Variants in PLEC observed in about 807,000 individuals in gnomAD.
PLEC encodes plectin, also known as hemidesmosomal protein 1.
A neutral mutation model predicts 392.8 loss-of-function variants in PLEC; 216 were observed. That is an observed-to-expected ratio of 0.55 (90% CI 0.49 to 0.62). The LOEUF is 0.62. Among genes scored for constraint, PLEC ranks in the 20% least tolerant of loss-of-function variants. PLEC has a pLI of 0.00. For synonymous variants in PLEC, 3,621 were observed against 2,980.6 expected, an observed-to-expected ratio of 1.21 and a Z score of -7.00; for missense variants, 6,863 against 6,563.4, an observed-to-expected ratio of 1.05 and a Z score of -1.58.
chr8:143,971,244 G>T (rs1833413988), intron 1 of PLEC, among the ~76,000 whole-genome samples: 3 of 152,182 alleles, frequency 2.0e-5, no homozygotes, highest in African/African-American at 7.2e-5. Context: ...CCACAGAGGG[G>T]AGGAGGCCAG....
intron 1 of PLEC, among the ~76,000 whole-genome samples, chr8:143,968,994 T>C (rs1157707596): frequency 1.3e-5 from 2 of 152,126 alleles, no homozygotes; most frequent in Non-Finnish European, 2.9e-5. Flanking sequence ...AGCTGAGCAA[T>C]TCCACTCCTA....
Position 143,924,393 on chromosome 8 carries a change from T to C in PLEC, c.5536A>G (p.Thr1846Ala). Residue 1846 changes from threonine to alanine, a missense_variant, in exon 31 of 32, where the codon ACG becomes GCG. Physicochemically the swap from Thr to Ala is moderately conservative, Grantham distance 58. Transcript: ENST00000345136. ...ATCTCCGCCTCCGTCTTGAGCCGCGTGGCCTCGCCGATGGCGGCCAGCTTC... is the reference window on the plus strand; with the variant it reads ...ATCTCCGCCTCCGTCTTGAGCCGCGCGGCCTCGCCGATGGCGGCCAGCTTC... Reference protein sequence around the residue: ...AEKLAAIGEATRLKTEAEIAL... With the variant: ...AEKLAAIGEAARLKTEAEIAL... 1.3e-6 allele frequency: 2 copies of C among 1,595,006 alleles called. No individual in the cohort carries two copies. Among genetic ancestry groups the C allele is most frequent in the Non-Finnish European group, 1.7e-6 (2 of 1,177,886 alleles).
At chr8:143,956,254 A>AT (rs1233899262), upstream of PLEC, among the ~76,000 whole-genome samples, 4 of 152,038 alleles carry the variant, frequency 2.6e-5, no homozygotes, top group Non-Finnish European at 5.9e-5. Context: ...GGCCAGGGAG[A>AT]TTTTTTTAAA....
rs1823027357 is a variant in PLEC at position 143,922,179 on chromosome 8, G to C, written c.7642C>G (p.Leu2548Val). 2 of 1,544,154 alleles carry C rather than the reference G, an allele frequency of 1.3e-6. No individual in the cohort carries two copies. Among genetic ancestry groups the C allele is most frequent in the Non-Finnish European group, 8.7e-7 (1 of 1,149,516 alleles). Residue 2548 changes from leucine (L) to valine (V), a missense_variant, in exon 32 of 32, where the codon CTG (leucine) becomes GTG (valine). By Grantham distance (32) the Leu-to-Val change is conservative (BLOSUM62 1). Transcript: ENST00000345136. ...CGCGCCTCCTCCATGCTGGCCACCA[G>C]CCGCTGCCGTTCCTGCTCCATCTGC... The part of the protein sequence containing the change: ...QQQMEQERQR[L>V]VASMEEARRR...
In PLEC at chr8:143,928,766, C is replaced by A. The variant is rs143907034; in HGVS notation, c.3260+337G>T. ...AAGTCCAGGCCAGGAACAGGACAGACGAGAGGCAGGGTGCAGGATTCCTTA... is the reference window on the plus strand; with the variant it reads ...AAGTCCAGGCCAGGAACAGGACAGAAGAGAGGCAGGGTGCAGGATTCCTTA... On this transcript the variant is annotated intron_variant, in intron 25 of 31. Transcript: ENST00000345136. Among the ~76,000 whole-genome samples, 3 of 152,302 alleles carry A rather than the reference C, an allele frequency of 2.0e-5. No homozygotes were observed. The East Asian group carries it at 5.8e-4, about 29-fold the overall frequency.
chr8:143,921,861 A>C lies in PLEC; in HGVS notation c.7960T>G (p.Ser2654Ala). 1 of 1,602,584 alleles carries C rather than the reference A, an allele frequency of 6.2e-7. No individual in the cohort carries two copies. Among genetic ancestry groups the C allele is most frequent in the Middle Eastern group, 1.7e-4 (1 of 6,026 alleles). ...CCGGCCTCCTGCAGCCTCTGAGCTG[A>C]CACCTTCCGCCGCAGGCCATCGAAG... ...HSFDGLRRKV[S>A]AQRLQEAGIL... is the part of the protein sequence containing the mutation. Residue 2654 changes from serine (S) to alanine (A), a missense_variant, in exon 32 of 32, where the codon TCA becomes GCA. Transcript: ENST00000345136.
Position 143,924,510 on chromosome 8 carries a change from G to A in PLEC, c.5419C>T (p.Arg1807Cys), listed in dbSNP as rs781812050. ...CGCTTGGCCTCTTCCGCCAGGGCACGCAGGCGGGCGGCCTCCTCGGCCAGC... is the reference window on the plus strand; with the variant it reads ...CGCTTGGCCTCTTCCGCCAGGGCACACAGGCGGGCGGCCTCCTCGGCCAGC... Reference protein sequence around the residue: ...RELAEEAARLRALAEEAKRQR... With the variant: ...RELAEEAARLCALAEEAKRQR... Residue 1807 changes from arginine to cysteine, a missense_variant, in exon 31 of 32, where the codon CGT becomes TGT. Transcript: ENST00000345136. 103 of 1,537,590 alleles carry A rather than the reference G, an allele frequency of 6.7e-5. No individual in the cohort carries two copies. Among genetic ancestry groups the A allele is most frequent in the Middle Eastern group, 1.8e-4 (1 of 5,534 alleles).
Position 143,924,534 on chromosome 8 carries a change from G to A in PLEC, c.5395C>T (p.Leu1799=). ...LEAEAGRFRE[L]AEEAARLRAL... Reference sequence around the variant, plus strand: ...CGCAGGCGGGCGGCCTCCTCGGCCAGCTCGCGGAACCGGCCGGCCTCGGCC... The same window carrying A: ...CGCAGGCGGGCGGCCTCCTCGGCCAACTCGCGGAACCGGCCGGCCTCGGCC... The change falls in exon 31 of 32, where the codon CTG becomes TTG. Residue 1799 remains leucine (L), a synonymous_variant. Coordinates refer to ENST00000345136, the MANE Select transcript of PLEC (RefSeq NM_201384.3). The A allele has an allele frequency of 6.5e-7, 1 of 1,539,316 alleles. No individual in the cohort carries two copies. The highest frequency in any genetic ancestry group is 8.7e-7 in the Non-Finnish European group (1 of 1,149,436).
In PLEC at chr8:143,924,455, G is replaced by T; in HGVS notation, c.5474C>A (p.Ala1825Glu). The change falls in exon 31 of 32, where the codon GCG becomes GAG. Residue 1825 changes from alanine to glutamate, a missense_variant. Ala to Glu is a moderately radical substitution (Grantham distance 107). Transcript: ENST00000345136. ...CCGCTCCGCCTCGGCCCGCTGCCGCGCCGCGTCTTCCTCGGCCAGCTGCCG... is the reference window on the plus strand; with the variant it reads ...CCGCTCCGCCTCGGCCCGCTGCCGCTCCGCGTCTTCCTCGGCCAGCTGCCG... ...RQRQLAEEDA[A>E]RQRAEAERVL... is the part of the protein sequence containing the mutation. 1 of 1,551,262 alleles carries T rather than the reference G, an allele frequency of 6.4e-7. No individual in the cohort carries two copies. Among genetic ancestry groups the T allele is most frequent in the South Asian group, 1.2e-5 (1 of 85,568 alleles).
At position 143,922,048 on chromosome 8, in the gene PLEC, G is replaced by C. The variant is rs949718803; in HGVS notation, c.7773C>G (p.Asn2591Lys). The C allele has an allele frequency of 5.0e-6, 8 of 1,593,930 alleles. No individual in the cohort carries two copies. The change falls in exon 32 of 32, where the codon AAC becomes AAG. Residue 2591 changes from asparagine (N) to lysine (K), a missense_variant. Physicochemically the swap from Asn to Lys is moderately conservative, Grantham distance 94. Transcript: ENST00000345136. ...RQQEELLAEE[N>K]QRLREQLQLL... Reference sequence around the variant, plus strand: ...GCTGCAGCTGCTCACGCAGCCTCTGGTTCTCCTCAGCCAGCAGCTCCTCCT... The same window carrying C: ...GCTGCAGCTGCTCACGCAGCCTCTGCTTCTCCTCAGCCAGCAGCTCCTCCT...
At chr8:143,967,392 AACAG>A (rs1289815490) in intron 1 of PLEC, among the ~76,000 whole-genome samples, 9 of 150,926 alleles carry the variant, frequency 6.0e-5, no homozygotes, top group African/African-American at 9.7e-5. Context: ...AAAAAAAAGA[AACAG>A]ACAGAATTAA....
At chr8:143,968,947 C>A (rs1833264455) in intron 1 of PLEC, among the ~76,000 whole-genome samples, 1 of 152,174 alleles carries the variant, frequency 6.6e-6, no homozygotes, top group Non-Finnish European at 1.5e-5. Context: ...AGCAATCTGG[C>A]AGTTCTTCAA....
At chr8:143,975,884 G>A (rs1226614303), upstream of PLEC, among the ~76,000 whole-genome samples, 1 of 152,062 alleles carries the variant, frequency 6.6e-6, no homozygotes, top group African/African-American at 2.4e-5. This position sits in a 1 kb window ranked among gnomAD's most constrained non-coding sequence, Gnocchi z 9.9. Flanking sequence ...AACTGGACCC[G>A]CCTCTAACCC....
rs1281185025 is a variant in PLEC at position 143,918,988 on chromosome 8, G to A, written c.10833C>T (p.Gly3611=). The A allele has an allele frequency of 5.0e-6, 8 of 1,611,034 alleles. No individual in the cohort carries two copies. Among genetic ancestry groups the A allele is most frequent in the Middle Eastern group, 1.6e-4 (1 of 6,084 alleles). The part of the protein sequence containing the change: ...RAQLMADFQA[G]RVTKERMIII... ...TGATCATGCGTTCCTTGGTCACCCGGCCGGCCTGGAAGTCAGCCATCAGCT... is the reference window on the plus strand; with the variant it reads ...TGATCATGCGTTCCTTGGTCACCCGACCGGCCTGGAAGTCAGCCATCAGCT... Residue 3611 remains glycine (G), a synonymous_variant, in exon 32 of 32, where the codon GGC becomes GGT. Transcript: ENST00000345136.
At chr8:143,939,856 A>G (rs186725879), upstream of PLEC, among the ~76,000 whole-genome samples, 1 of 152,292 alleles carries the variant, frequency 6.6e-6, no homozygotes, top group East Asian at 1.9e-4. Context: ...AAATGGTGCC[A>G]GGACCGCAGA....
chr8:143,944,033 A>C, upstream of PLEC: 2 of 1,282,802 alleles, frequency 1.6e-6, no homozygotes, highest in Non-Finnish European at 2.1e-6. Context: ...ACCGCCCCAT[A>C]CGCGGCGGCA....
At chr8:143,974,953 G>A (rs1211363030), upstream of PLEC, among the ~76,000 whole-genome samples, 1 of 152,212 alleles carries the variant, frequency 6.6e-6, no homozygotes, top group South Asian at 2.1e-4. This position sits in a 1 kb window ranked among gnomAD's most constrained non-coding sequence, Gnocchi z 5.9. Context: ...AAGGATGGAC[G>A]CCGCGGCAAG....
chr8:143,929,904 C>G (rs1245708292), intron 22 of PLEC, 32 bp downstream of exon 22: 1 of 1,605,518 alleles, frequency 6.2e-7, no homozygotes, highest in Admixed American at 1.7e-5. Flanking sequence ...CTCCTCCCAC[C>G]CAGAGAGCCC....
chr8:143,962,155 A>C (rs1264662657), intron 1 of PLEC, among the ~76,000 whole-genome samples: 2 of 152,220 alleles, frequency 1.3e-5, no homozygotes, highest in Non-Finnish European at 2.9e-5. Flanking sequence ...CTGCAGATAT[A>C]ATTAAATAAA....
Sources: gnomAD v4.1 joint callset for allele counts (sites outside exome capture counted in the v4.1 genomes callset) on GRCh38, gnomAD v4.1.1 for gene constraint, Gnocchi (gnomAD v3.1) non-coding constraint, MANE v1.5 for transcripts, NCBI Gene and HGNC (gene_info 2026-07-23, HGNC 2026-07-21) for gene names.